LRIF1: variants seen among roughly 807,000 people sequenced by gnomAD.
The protein encoded by LRIF1 is ligand dependent nuclear receptor interacting factor 1.
LRIF1 carries 32 observed loss-of-function variants against 52.7 expected under a neutral mutation model. The observed-to-expected ratio is 0.61, with a 90% CI of 0.46 to 0.82. The LOEUF is 0.82. LRIF1 is among the 40% of genes least tolerant of loss of function. LRIF1 has a pLI of 0.00. For missense variants in LRIF1, 887 were observed against 892.0 expected (o/e 0.99, Z 0.07); for synonymous variants, 323 against 317.4 (o/e 1.02, Z -0.19).
the LRIF1 span, chr1:110,895,190 C>T: frequency 6.1e-6 from 4 of 661,042 alleles, no homozygotes; most frequent in African/African-American, 7.2e-5. Flanking sequence ...AATGCCTTGG[C>T]TATCACAAAC....
At chr1:110,924,479 CT>C in the LRIF1 span, among the ~76,000 whole-genome samples, 4 of 152,264 alleles carry the variant, frequency 2.6e-5, no homozygotes, top group African/African-American at 9.6e-5. Flanking sequence ...AGCAAGGTAC[CT>C]TCTTCACAAG....
rs374251757 is a variant in LRIF1 at position 110,963,698 on chromosome 1, G to A, written c.-10C>T. The stretch of plus-strand genomic sequence containing the variant: ...GTAGGTTATTTGACATTTTAGTGGG[G>A]AGAAAGGGGACACCTCATCCAGAAA... On this transcript the variant is annotated 5_prime_UTR_variant, in exon 1 of 4. Coordinates refer to ENST00000369763, the MANE Select transcript of LRIF1 (RefSeq NM_018372.4). 3 of 1,600,346 alleles carry A rather than the reference G, an allele frequency of 1.9e-6. No homozygotes were observed. The South Asian group carries it at 3.3e-5, about 18-fold the overall frequency.
At chr1:110,875,081 A>T in the LRIF1 span, among the ~76,000 whole-genome samples, 1 of 152,186 alleles carries the variant, frequency 6.6e-6, no homozygotes, top group African/African-American at 2.4e-5. Flanking sequence ...GTGTGCCAAA[A>T]ACTGCCTAGA....
At chr1:110,886,206 A>G in the LRIF1 span, among the ~76,000 whole-genome samples, 7 of 152,202 alleles carry the variant, frequency 4.6e-5, no homozygotes, top group South Asian at 2.1e-4. Flanking sequence ...CTGTTTTCCA[A>G]TAAGAAGTCT....
rs758297924 is a variant in LRIF1, at chr1:110,952,364, C to T, written c.520G>A (p.Val174Met). Residue 174 changes from valine to methionine, a missense_variant, in exon 2 of 4, where the codon GTG becomes ATG. By Grantham distance (21) the Val-to-Met change is conservative. Coordinates refer to ENST00000369763, the MANE Select transcript of LRIF1 (RefSeq NM_018372.4). Reference sequence around the variant, plus strand: ...CCAGAAGGCAAAACTGGAGACTTCACAGTCACTGGAAGACTCTGGGTATTA... The same window carrying T: ...CCAGAAGGCAAAACTGGAGACTTCATAGTCACTGGAAGACTCTGGGTATTA... ...VVNTQSLPVT[V>M]KSPVLPSGHH... is the part of the protein sequence containing the mutation. 3.1e-6 allele frequency: 5 copies of T among 1,613,960 alleles called. No individual in the cohort carries two copies. The highest frequency in any genetic ancestry group is 2.2e-5 in the South Asian group (2 of 91,084).
chr1:110,890,424 G>A, the LRIF1 span, among the ~76,000 whole-genome samples: 11 of 152,006 alleles, frequency 7.2e-5, no homozygotes, highest in Non-Finnish European at 1.2e-4. Context: ...AAAATTATCC[G>A]GGCATGATGG....
chr1:110,955,137 C>T (rs1180082494), intron 1 of LRIF1, among the ~76,000 whole-genome samples: 1 of 152,154 alleles, frequency 6.6e-6, no homozygotes, highest in Non-Finnish European at 1.5e-5. Context: ...CCATCCTAAT[C>T]CCCCCAAGTT....
chr1:110,954,223 AC>A (rs1431769230), intron 1 of LRIF1, among the ~76,000 whole-genome samples: 1 of 152,204 alleles, frequency 6.6e-6, no homozygotes, highest in African/African-American at 2.4e-5. Context: ...TTATATCCTT[AC>A]AAAAATTTAA....
At chr1:110,899,445 T>A in the LRIF1 span, 1 of 382,614 alleles carries the variant, frequency 2.6e-6, no homozygotes, top group Non-Finnish European at 4.8e-6. Flanking sequence ...TATCTGAGCA[T>A]CTTTTAGACA....
the LRIF1 span, among the ~76,000 whole-genome samples, chr1:110,932,163 C>T: frequency 8.6e-5 from 13 of 152,042 alleles, no homozygotes; most frequent in Admixed American, 2.0e-4. Flanking sequence ...TTTTTGAATA[C>T]GGTGTAAGTA....
Position 110,949,877 on chromosome 1 carries a change from T to A in LRIF1, c.1843A>T (p.Met615Leu), listed in dbSNP as rs771752277. The part of the protein sequence containing the change: ...KSGTYKETEF[M>L]VKEGERKQQN... The stretch of plus-strand genomic sequence containing the variant: ...TGTTTTCTCTCTCCTTCCTTCACCA[T>A]AAACTCTGTCTCTTTGTAAGTACCA... The change falls in exon 3 of 4, where the codon ATG becomes TTG. Residue 615 changes from methionine (M) to leucine (L), a missense_variant. Physicochemically the swap from Met to Leu is conservative, Grantham distance 15 (BLOSUM62 2). Coordinates refer to ENST00000369763, the MANE Select transcript of LRIF1 (RefSeq NM_018372.4). The A allele has an allele frequency of 1.1e-5, 17 of 1,614,028 alleles. No individual in the cohort carries two copies. The South Asian group carries it at 1.9e-4, about 18-fold the overall frequency.
chr1:110,889,661 T>G, the LRIF1 span, among the ~76,000 whole-genome samples: 2 of 152,170 alleles, frequency 1.3e-5, no homozygotes, highest in Non-Finnish European at 2.9e-5. Context: ...GATAAGATCA[T>G]TTAATATTCA....
chr1:110,880,878 A>G, the LRIF1 span, among the ~76,000 whole-genome samples: 5 of 152,156 alleles, frequency 3.3e-5, no homozygotes, highest in African/African-American at 1.2e-4. Flanking sequence ...GGGTGTGAAG[A>G]CTTAGACACA....
chr1:110,908,312 T>C, the LRIF1 span, among the ~76,000 whole-genome samples: 1 of 152,170 alleles, frequency 6.6e-6, no homozygotes, highest in Non-Finnish European at 1.5e-5. Flanking sequence ...GGTGAGAAAG[T>C]GCGAGTGCAA....
downstream of LRIF1, among the ~76,000 whole-genome samples, chr1:110,946,104 A>T (rs560674865): frequency 6.6e-6 from 1 of 152,242 alleles, no homozygotes; most frequent in Non-Finnish European, 1.5e-5. Context: ...CCAAATATTC[A>T]TAACGAATGG....
chr1:110,924,865 TAA>T, the LRIF1 span, among the ~76,000 whole-genome samples: 1 of 152,242 alleles, frequency 6.6e-6, no homozygotes, highest in Non-Finnish European at 1.5e-5. Flanking sequence ...ATGATCAAGT[TAA>T]GTTTATTTTA....
chr1:110,959,997 A>G (rs1658881102), intron 1 of LRIF1, among the ~76,000 whole-genome samples: 1 of 152,088 alleles, frequency 6.6e-6, no homozygotes, highest in Admixed American at 6.5e-5. Flanking sequence ...AGAACATAAT[A>G]TATCTAAGTA....
chr1:110,923,711 C>A, the LRIF1 span, among the ~76,000 whole-genome samples: 1 of 151,954 alleles, frequency 6.6e-6, no homozygotes, highest in Non-Finnish European at 1.5e-5. Context: ...TTTTTCAGAA[C>A]AGATAAAATG....
the LRIF1 span, among the ~76,000 whole-genome samples, chr1:110,897,382 A>G: frequency 4.5e-4 from 68 of 152,370 alleles, no homozygotes; most frequent in Middle Eastern, 3.4e-3. Flanking sequence ...ACAACCACTG[A>G]CCAGCAACTG....
Sources: gnomAD v4.1 joint callset for allele counts (sites outside exome capture counted in the v4.1 genomes callset) on GRCh38, gnomAD v4.1.1 for gene constraint, MANE v1.5 for transcripts, NCBI Gene and HGNC (gene_info 2026-07-23, HGNC 2026-07-21) for gene names.